The following SH3BP5 variants were observed in gnomAD, a reference collection of about 807,000 sequenced individuals.
SH3BP5 encodes SH3 domain binding protein 5.
In SH3BP5, 22 loss-of-function variants were observed where a neutral mutation model predicts 43.3. The ratio of observed to expected loss-of-function variants is 0.51; its 90% confidence interval spans 0.36 to 0.73. The LOEUF (loss-of-function observed/expected upper bound fraction) is 0.73, where lower values mean the gene tolerates loss of function less well. Among genes scored for constraint, SH3BP5 ranks in the 30% least tolerant of loss-of-function variants. SH3BP5 has a pLI of 0.00. For synonymous variants in SH3BP5, 255 were observed against 225.8 expected (o/e 1.13, Z -1.16); for missense variants, 529 against 586.9 (o/e 0.90, Z 1.02).
intron 3 of SH3BP5, 150 bp from the exon 4 acceptor site, chr3:15,270,027 C>T (rs748231257): frequency 1.6e-4 from 103 of 626,278 alleles, no homozygotes; most frequent in Non-Finnish European, 2.7e-4. Flanking sequence ...TCATAGATGC[C>T]AGACAGGGCA....
At chr3:15,265,505 G>A in intron 4 of SH3BP5, among the ~76,000 whole-genome samples, 1 of 69,286 alleles carries the variant, frequency 1.4e-5, no homozygotes, top group Admixed American at 1.8e-4. Flanking sequence ...TACAGGGCGA[G>A]ACTCCGTCAC....
chr3:15,301,935 TTCAA>T (rs1697765376), intron 3 of SH3BP5, among the ~76,000 whole-genome samples: 1 of 152,144 alleles, frequency 6.6e-6, no homozygotes, highest in South Asian at 2.1e-4. Context: ...CAGACCATCC[TTCAA>T]TCACTCTGCA....
At chr3:15,335,557 G>A (rs962245160), upstream of SH3BP5, among the ~76,000 whole-genome samples, 2 of 151,052 alleles carry the variant, frequency 1.3e-5, no homozygotes, top group African/African-American at 4.9e-5. Context: ...GGGTGACAGA[G>A]GGAGACCCTA....
rs1038989037 is a variant in SH3BP5, at chr3:15,255,932, G to A, written c.*154C>T. 1.4e-5 allele frequency: 10 copies of A among 705,358 alleles called. No individual in the cohort carries two copies. The East Asian group carries it at 2.5e-4, about 18-fold the overall frequency. The allele number at this position is 705,358 out of a possible 1,614,324, so 43.7% of individuals were successfully genotyped here. On this transcript the variant is annotated 3_prime_UTR_variant, in exon 9 of 9. Transcript: ENST00000383791. The stretch of plus-strand genomic sequence containing the variant: ...CCAGCCCAAGAGCTCTTACCCAGAA[G>A]AACAATCTTTAGCCCTCAAGGTCAC...
chr3:15,256,770 C>G, intron 8 of SH3BP5, 83 bp downstream of exon 8: 1 of 1,458,896 alleles, frequency 6.9e-7, no homozygotes, highest in Non-Finnish European at 9.2e-7. Flanking sequence ...GCCCTGAGAC[C>G]TGGCAGAGGT....
chr3:15,255,761 T>G lies in SH3BP5; in HGVS notation c.*325A>C. On this transcript the variant is annotated 3_prime_UTR_variant, in exon 9 of 9. Coordinates refer to ENST00000383791, the MANE Select transcript of SH3BP5 (RefSeq NM_004844.5). Reference sequence around the variant, plus strand: ...AGAGAAGCAAGCTGTTGCCCCCACTTTGGCCTGGCTTCCCAGCCATCTTCC... The same window carrying G: ...AGAGAAGCAAGCTGTTGCCCCCACTGTGGCCTGGCTTCCCAGCCATCTTCC... 2 of 220,746 alleles carry G rather than the reference T, an allele frequency of 9.1e-6. No individual in the cohort carries two copies. Among genetic ancestry groups the G allele is most frequent in the Non-Finnish European group, 1.8e-5 (2 of 110,970 alleles). The allele number at this position is 220,746 out of a possible 1,614,324, so 13.7% of individuals were successfully genotyped here. A position where few individuals can be genotyped will look rare whatever the true frequency, so the allele number is the denominator to read the frequency against.
At chr3:15,298,678 G>A (rs1371168795) in intron 3 of SH3BP5, among the ~76,000 whole-genome samples, 1 of 152,202 alleles carries the variant, frequency 6.6e-6, no homozygotes, top group Non-Finnish European at 1.5e-5. Flanking sequence ...ATTATGCTAA[G>A]TGAAATAAGC....
intron 2 of SH3BP5, among the ~76,000 whole-genome samples, chr3:15,314,231 C>T (rs1413280576): frequency 6.6e-6 from 1 of 151,934 alleles, no homozygotes; most frequent in Non-Finnish European, 1.5e-5. Flanking sequence ...CTCCCAGGTT[C>T]AAAAGACTTA....
upstream of SH3BP5, among the ~76,000 whole-genome samples, chr3:15,334,441 T>C (rs1311666587): frequency 6.6e-6 from 1 of 151,902 alleles, no homozygotes; most frequent in Non-Finnish European, 1.5e-5. Flanking sequence ...TATTTAAAAA[T>C]ACATGGCCAG....
chr3:15,324,057 T>C (rs1013686564), intron 2 of SH3BP5, among the ~76,000 whole-genome samples: 2 of 152,198 alleles, frequency 1.3e-5, no homozygotes, highest in Admixed American at 1.3e-4. Context: ...CAGGCTACCC[T>C]GAAGAGACGC....
chr3:15,257,761 C>T (rs756697195), intron 7 of SH3BP5, among the ~76,000 whole-genome samples: 5 of 152,214 alleles, frequency 3.3e-5, no homozygotes, highest in Non-Finnish European at 7.3e-5. Flanking sequence ...GGTTTCAAAG[C>T]CTCTTTGGCC....
At chr3:15,263,299 G>A (rs1696520607) in intron 4 of SH3BP5, among the ~76,000 whole-genome samples, 1 of 152,142 alleles carries the variant, frequency 6.6e-6, no homozygotes, top group Non-Finnish European at 1.5e-5. Context: ...TAGCAGCAGT[G>A]GGAACCTAAG....
chr3:15,296,555 G>A (rs536051263), intron 3 of SH3BP5, among the ~76,000 whole-genome samples: 6 of 152,154 alleles, frequency 3.9e-5, no homozygotes, highest in Middle Eastern at 3.4e-3. Context: ...AATAGCTACC[G>A]AAGAAAAGAA....
chr3:15,259,179 G>T, intron 6 of SH3BP5, 129 bp from the exon 7 acceptor site: 1 of 720,992 alleles, frequency 1.4e-6, no homozygotes, highest in Non-Finnish European at 2.4e-6. Flanking sequence ...CATGACTGAA[G>T]ACCTAATTAC....
intron 3 of SH3BP5, among the ~76,000 whole-genome samples, chr3:15,275,380 C>A (rs185672625): frequency 6.6e-6 from 1 of 152,360 alleles, no homozygotes; most frequent in Non-Finnish European, 1.5e-5. Context: ...CTGGTTCTCA[C>A]CATCATATGA....
chr3:15,273,940 T>C (rs898502021), intron 3 of SH3BP5, among the ~76,000 whole-genome samples: 14 of 152,188 alleles, frequency 9.2e-5, no homozygotes, highest in African/African-American at 3.4e-4. Flanking sequence ...ATTCTTGTAC[T>C]GCTATAAAGA....
chr3:15,296,689 T>C (rs1697582295), intron 3 of SH3BP5, among the ~76,000 whole-genome samples: 1 of 140,496 alleles, frequency 7.1e-6, no homozygotes, highest in East Asian at 2.2e-4. Context: ...TACGAAGTGT[T>C]TTTCCTTTTT....
intron 3 of SH3BP5, among the ~76,000 whole-genome samples, chr3:15,279,465 AG>A (rs1395844911): frequency 6.6e-6 from 1 of 152,238 alleles, no homozygotes; most frequent in Non-Finnish European, 1.5e-5. Flanking sequence ...TTGCAGGGTT[AG>A]AAATATCAAG....
chr3:15,287,469 A>T (rs1383167521), intron 3 of SH3BP5, among the ~76,000 whole-genome samples: 1 of 152,244 alleles, frequency 6.6e-6, no homozygotes, highest in East Asian at 1.9e-4. Flanking sequence ...AAAGCTAAGC[A>T]GTGCTGTCCA....
Sources: gnomAD v4.1 joint callset for allele counts (sites outside exome capture counted in the v4.1 genomes callset) on GRCh38, gnomAD v4.1.1 for gene constraint, MANE v1.5 for transcripts, NCBI Gene and HGNC (gene_info 2026-07-23, HGNC 2026-07-21) for gene names.